Variants in C1orf21 observed in about 807,000 individuals in gnomAD.
C1orf21 encodes the protein chromosome 1 open reading frame 21, also known as uncharacterized protein C1orf21.
In C1orf21, 3 loss-of-function variants were observed where a neutral mutation model predicts 18.7. The observed-to-expected ratio is 0.16, with a 90% CI of 0.07 to 0.42. The LOEUF is 0.42. Among genes scored for constraint, C1orf21 ranks in the 10% least tolerant of loss-of-function variants. The probability of loss-of-function intolerance (pLI) is 0.99; values close to 1 mark genes in which losing one functional copy is unlikely to be tolerated. For missense variants in C1orf21, 104 were observed against 143.6 expected (o/e 0.72, Z 1.41); for synonymous variants, 41 against 46.4 (o/e 0.88, Z 0.47).
At chr1:184,568,632 A>T (rs891393161) in intron 3 of C1orf21, 5 of 289,660 alleles carry the variant, frequency 1.7e-5, no homozygotes, top group Non-Finnish European at 2.7e-5. Flanking sequence ...CCTATTTTTT[A>T]AAAAACACCC....
chr1:184,583,166 G>A (rs1659300752), intron 3 of C1orf21, among the ~76,000 whole-genome samples: 1 of 152,136 alleles, frequency 6.6e-6, no homozygotes, highest in Non-Finnish European at 1.5e-5. Flanking sequence ...GATCCTCTTG[G>A]TATTTTCACT....
At chr1:184,542,827 G>A (rs1018914629) in intron 3 of C1orf21, among the ~76,000 whole-genome samples, 1 of 152,174 alleles carries the variant, frequency 6.6e-6, no homozygotes, top group East Asian at 1.9e-4. Flanking sequence ...ACTTCAATGA[G>A]CCCAGAGTCC....
At chr1:184,433,095 C>T (rs41470944) in intron 1 of C1orf21, among the ~76,000 whole-genome samples, 2 of 152,176 alleles carry the variant, frequency 1.3e-5, no homozygotes, top group East Asian at 3.8e-4. Context: ...GGTGGATAGA[C>T]TTTTTCACCT....
chr1:184,477,805 C>T (rs560962181), intron 2 of C1orf21, among the ~76,000 whole-genome samples: 4 of 152,158 alleles, frequency 2.6e-5, no homozygotes, highest in Non-Finnish European at 5.9e-5. Context: ...CATTTCAAAA[C>T]GTATCTTTGA....
chr1:184,602,151 C>G (rs1025172901), intron 5 of C1orf21, among the ~76,000 whole-genome samples: 6 of 152,180 alleles, frequency 3.9e-5, no homozygotes, highest in Non-Finnish European at 7.4e-5. Context: ...CTGCTATTGT[C>G]ACTGAGAGTG....
intron 1 of C1orf21, among the ~76,000 whole-genome samples, chr1:184,434,357 G>T (rs1052010124): frequency 1.3e-5 from 2 of 151,710 alleles, no homozygotes; most frequent in Non-Finnish European, 2.9e-5. Flanking sequence ...ATGTAAAGAT[G>T]CAGGGAATGA....
rs1225284456 is a variant in C1orf21, at chr1:184,619,692, A to T, written c.*136A>T. On this transcript the variant is annotated 3_prime_UTR_variant, in exon 6 of 6. Transcript: ENST00000235307. ...AAGATCGTTCCATATTGTACGCCCCATTAAATTACAGTGTTTCTTAATGAA... is the reference window on the plus strand; with the variant it reads ...AAGATCGTTCCATATTGTACGCCCCTTTAAATTACAGTGTTTCTTAATGAA... The T allele has an allele frequency of 6.2e-6, 4 of 647,430 alleles. No homozygotes were observed. The African/African-American group carries it at 7.6e-5, about 12-fold the overall frequency. 40.1% of individuals were successfully genotyped at this position (647,430 alleles called of 1,614,324 possible).
chr1:184,529,303 T>A (rs949765640), intron 3 of C1orf21, among the ~76,000 whole-genome samples: 6 of 152,180 alleles, frequency 3.9e-5, no homozygotes, highest in Admixed American at 6.5e-5. Flanking sequence ...TGAATACAAA[T>A]GTGAAGTGAA....
At chr1:184,610,390 AG>A (rs1659710934) in intron 5 of C1orf21, among the ~76,000 whole-genome samples, 1 of 152,216 alleles carries the variant, frequency 6.6e-6, no homozygotes, top group Non-Finnish European at 1.5e-5. Context: ...AAGTTTGCCA[AG>A]GCCTGCTCTC....
intron 3 of C1orf21, chr1:184,567,056 C>G (rs930107626): frequency 8.2e-5 from 41 of 497,696 alleles, no homozygotes; most frequent in African/African-American, 8.0e-4. Context: ...ACAGTCTAAC[C>G]ATCTGAAAAA....
chr1:184,530,613 T>G (rs2101972930), intron 3 of C1orf21, among the ~76,000 whole-genome samples: 1 of 150,240 alleles, frequency 6.7e-6, no homozygotes, highest in South Asian at 2.1e-4. Context: ...TTTTTTTTTT[T>G]TTTTTGAGCT....
At chr1:184,460,778 TTCAA>T (rs1307260762) in intron 1 of C1orf21, among the ~76,000 whole-genome samples, 1 of 150,150 alleles carries the variant, frequency 6.7e-6, no homozygotes, top group East Asian at 2.0e-4. Context: ...AACTCCTGGG[TTCAA>T]TCAGTCTTCC....
In C1orf21 at chr1:184,477,426, C is replaced by A; in HGVS notation, c.-84C>A. 1 of 1,138,784 alleles carries A rather than the reference C, an allele frequency of 8.8e-7. No individual in the cohort carries two copies. The highest frequency in any genetic ancestry group is 1.4e-5 in the South Asian group (1 of 69,686). 70.5% of individuals were successfully genotyped at this position (1,138,784 alleles called of 1,614,324 possible). A position where few individuals can be genotyped will look rare whatever the true frequency, so the allele number is the denominator to read the frequency against. On this transcript the variant is annotated 5_prime_UTR_variant, in exon 2 of 6. Transcript: ENST00000235307. Reference sequence around the variant, plus strand: ...CCAACTCAGCAGCAAGGTGGATTTTCTTTGTGTTTAAAGAAAAAAAATGTC... The same window carrying A: ...CCAACTCAGCAGCAAGGTGGATTTTATTTGTGTTTAAAGAAAAAAAATGTC...
chr1:184,581,031 C>T (rs558424909), intron 3 of C1orf21, among the ~76,000 whole-genome samples: 3 of 152,288 alleles, frequency 2.0e-5, no homozygotes, highest in African/African-American at 7.2e-5. Context: ...TATAAAACCA[C>T]CTGTTGACAT....
intron 2 of C1orf21, among the ~76,000 whole-genome samples, chr1:184,490,507 A>G (rs951804707): frequency 6.6e-6 from 1 of 152,216 alleles, no homozygotes; most frequent in African/African-American, 2.4e-5. Flanking sequence ...CCACACATAC[A>G]ATATAGCAGG....
chr1:184,518,169 TTA>T (rs1658257494), intron 3 of C1orf21, among the ~76,000 whole-genome samples: 1 of 152,158 alleles, frequency 6.6e-6, no homozygotes, highest in Admixed American at 6.5e-5. Context: ...GTAATTTGAT[TTA>T]GAGTAGAGCT....
chr1:184,548,442 T>C (rs146784862), intron 3 of C1orf21, among the ~76,000 whole-genome samples: 1 of 135,190 alleles, frequency 7.4e-6, no homozygotes. Context: ...TGAGACGGAG[T>C]CTCCCTCTGT....
intron 3 of C1orf21, among the ~76,000 whole-genome samples, chr1:184,588,502 T>G (rs563330693): frequency 1.3e-5 from 2 of 152,316 alleles, no homozygotes; most frequent in South Asian, 2.1e-4. Flanking sequence ...CCAAACTGCT[T>G]GGGTTCAAAT....
chr1:184,610,621 C>T (rs565360821), intron 5 of C1orf21, among the ~76,000 whole-genome samples: 35 of 152,024 alleles, frequency 2.3e-4, no homozygotes, highest in African/African-American at 3.1e-4. Context: ...CCGAGGCAGG[C>T]GGATCACGAG....
Sources: gnomAD v4.1 joint callset for allele counts (sites outside exome capture counted in the v4.1 genomes callset) on GRCh38, gnomAD v4.1.1 for gene constraint, MANE v1.5 for transcripts, NCBI Gene and HGNC (gene_info 2026-07-23, HGNC 2026-07-21) for gene names.